CDYL: variants seen among roughly 807,000 people sequenced by gnomAD.
The protein encoded by CDYL is chromodomain Y like.
CDYL carries 8 observed loss-of-function variants against 47.3 expected under a neutral mutation model. The observed-to-expected ratio is 0.17, with a 90% confidence interval of 0.10 to 0.31. The LOEUF (loss-of-function observed/expected upper bound fraction) is 0.31, where lower values mean the gene tolerates loss of function less well. CDYL is among the 10% of genes least tolerant of loss of function. The pLI is 1.00. For synonymous variants in CDYL, 266 were observed against 265.0 expected (o/e 1.00, Z -0.04); for missense variants, 471 against 701.4 (o/e 0.67, Z 3.71).
At chr6:4,776,918 C>G (rs1758475159) in intron 1 of CDYL, 111 bp downstream of exon 1, 2 of 318,808 alleles carry the variant, frequency 6.3e-6, no homozygotes, top group Non-Finnish European at 4.5e-6. Context: ...GTCCCCTCCC[C>G]CGCCGCGGCC....
At chr6:4,708,108 A>C (rs553961338) in intron 1 of CDYL, among the ~76,000 whole-genome samples, 1 of 152,100 alleles carries the variant, frequency 6.6e-6, no homozygotes, top group South Asian at 2.1e-4. Context: ...CAGATGTTTT[A>C]GGTATAATCA....
intron 1 of CDYL, among the ~76,000 whole-genome samples, chr6:4,838,379 A>G (rs1456115442): frequency 6.6e-6 from 1 of 151,398 alleles, no homozygotes; most frequent in Admixed American, 6.6e-5. Flanking sequence ...CTTAGCTCCC[A>G]GTTATGAGTG....
At chr6:4,760,479 T>C (rs569504781) in intron 3 of CDYL, among the ~76,000 whole-genome samples, 2 of 152,214 alleles carry the variant, frequency 1.3e-5, no homozygotes, top group African/African-American at 2.4e-5. Context: ...TTGTGCTGAA[T>C]GCTAAAGACA....
At chr6:4,935,186 G>A (rs940018660) in intron 2 of CDYL, among the ~76,000 whole-genome samples, 1 of 152,108 alleles carries the variant, frequency 6.6e-6, no homozygotes, top group Admixed American at 6.5e-5. Context: ...TCTCAAACCT[G>A]GAATAGATAC....
chr6:4,772,180 A>T (rs1758347189), upstream of CDYL, among the ~76,000 whole-genome samples: 1 of 152,210 alleles, frequency 6.6e-6, no homozygotes, highest in African/African-American at 2.4e-5. Flanking sequence ...CCTAAGATGA[A>T]ATTGGTGAAA....
intron 3 of CDYL, among the ~76,000 whole-genome samples, chr6:4,759,929 GAAGA>G (rs1322423641): frequency 2.0e-5 from 1 of 50,078 alleles, no homozygotes; most frequent in East Asian, 5.5e-4. Context: ...AAAAAAAGAA[GAAGA>G]AAGAAAAGAA....
chr6:4,952,158 G>T, intron 5 of CDYL, 108 bp from the exon 6 acceptor site: 1 of 1,309,682 alleles, frequency 7.6e-7, no homozygotes, highest in Non-Finnish European at 1.0e-6. Context: ...ATTTCCCTGC[G>T]GGGCTGGTAT....
intron 1 of CDYL, among the ~76,000 whole-genome samples, chr6:4,793,286 A>T (rs1436719654): frequency 6.6e-6 from 1 of 152,170 alleles, no homozygotes; most frequent in Non-Finnish European, 1.5e-5. Flanking sequence ...CTGCCCGCCC[A>T]CCTTCAAGGA....
intron 2 of CDYL, among the ~76,000 whole-genome samples, chr6:4,917,345 G>T (rs1175555834): frequency 6.6e-6 from 1 of 152,086 alleles, no homozygotes; most frequent in African/African-American, 2.4e-5. Flanking sequence ...TGAGTATGTG[G>T]CTTGCTTTTA....
intron 3 of CDYL, among the ~76,000 whole-genome samples, chr6:4,736,786 A>G (rs2127415673): frequency 6.6e-6 from 1 of 152,264 alleles, no homozygotes. Flanking sequence ...AAAGGAGTAA[A>G]CATGAATCCT....
intron 2 of CDYL, among the ~76,000 whole-genome samples, chr6:4,923,078 G>C (rs1221110758): frequency 6.6e-6 from 1 of 151,684 alleles, no homozygotes. Flanking sequence ...TCTTTATTTT[G>C]GTAACATTTA....
intron 2 of CDYL, among the ~76,000 whole-genome samples, chr6:4,727,538 G>A (rs1466066793): frequency 2.0e-5 from 3 of 152,090 alleles, no homozygotes; most frequent in Admixed American, 2.0e-4. Flanking sequence ...TTTATTCAAA[G>A]CTTTCTTTTC....
chr6:4,922,472 A>G (rs1327844255), intron 2 of CDYL, among the ~76,000 whole-genome samples: 1 of 152,266 alleles, frequency 6.6e-6, no homozygotes, highest in African/African-American at 2.4e-5. Flanking sequence ...TACAAGCAGT[A>G]CAAGAACCAG....
chr6:4,729,630 G>A (rs935694022), intron 2 of CDYL, among the ~76,000 whole-genome samples: 2 of 152,210 alleles, frequency 1.3e-5, no homozygotes, highest in African/African-American at 4.8e-5. Flanking sequence ...AGGATTAAAA[G>A]GTGGAGGCTG....
In CDYL at chr6:4,924,306, TTCTTC is replaced by T. The variant is rs142367831; in HGVS notation, c.692-11205_692-11201del. ...TTAATTGCAGGAACCTTAGCTTACG[TTCTTC>T]TCTCTGTTGATTTTCAGAATGCTCC... On this transcript the variant is annotated intron_variant, in intron 2 of 6. Coordinates refer to ENST00000397588, the MANE Select transcript of CDYL (RefSeq NM_004824.4). Among the ~76,000 whole-genome samples, 32 of 152,350 alleles carry T rather than the reference TTCTTC, an allele frequency of 2.1e-4. No individual in the cohort carries two copies. The East Asian group carries it at 6.2e-3, about 29-fold the overall frequency.
At chr6:4,729,837 G>A (rs1400029964) in intron 2 of CDYL, among the ~76,000 whole-genome samples, 1 of 152,118 alleles carries the variant, frequency 6.6e-6, no homozygotes, top group East Asian at 1.9e-4. Flanking sequence ...AGAATCACTT[G>A]GGCCTGGGAA....
intron 3 of CDYL, among the ~76,000 whole-genome samples, chr6:4,761,785 A>G (rs1758179155): frequency 6.6e-6 from 1 of 152,224 alleles, no homozygotes; most frequent in South Asian, 2.1e-4. Flanking sequence ...TCTCTGTAAG[A>G]TGGAAATAAT....
intron 1 of CDYL, among the ~76,000 whole-genome samples, chr6:4,841,602 G>T (rs1760492571): frequency 6.6e-6 from 1 of 151,966 alleles, no homozygotes; most frequent in South Asian, 2.1e-4. Flanking sequence ...CACTATTATC[G>T]TTCAGTTCAA....
chr6:4,857,935 T>C (rs896964320), intron 1 of CDYL, among the ~76,000 whole-genome samples: 1 of 152,176 alleles, frequency 6.6e-6, no homozygotes, highest in Non-Finnish European at 1.5e-5. Flanking sequence ...GAAATAGTGA[T>C]TTAAAGACGT....
Sources: allele counts gnomAD v4.1 joint callset (sites outside exome capture counted in the v4.1 genomes callset), GRCh38; gene constraint gnomAD v4.1.1; transcripts MANE v1.5; gene names NCBI Gene and HGNC (gene_info 2026-07-23, HGNC 2026-07-21).